Variants in SMARCA1 observed in about 807,000 individuals in gnomAD.
The protein encoded by SMARCA1 is SNF2 related chromatin remodeling ATPase 1.
SMARCA1 carries 17 observed loss-of-function variants against 93.6 expected under a neutral mutation model. The observed-to-expected ratio is 0.18, with a 90% CI of 0.12 to 0.27. The LOEUF (loss-of-function observed/expected upper bound fraction) is 0.27. Among genes scored for constraint, SMARCA1 ranks in the 10% least tolerant of loss-of-function variants. The pLI is 1.00. For missense variants in SMARCA1, 630 were observed against 819.0 expected, an observed-to-expected ratio of 0.77 and a Z score of 2.82; for synonymous variants, 271 against 271.4, an observed-to-expected ratio of 1.00 and a Z score of 0.01.
At chrX:129,498,946 T>C (rs1187389515) in intron 10 of SMARCA1, among the ~76,000 whole-genome samples, 1 of 112,079 alleles carries the variant, frequency 8.9e-6, no homozygotes, top group African/African-American at 3.2e-5. Context: ...TATCTAACCA[T>C]TCCAGATTCT....
intron 23 of SMARCA1, among the ~76,000 whole-genome samples, chrX:129,458,815 T>A (rs1262933104): frequency 8.9e-6 from 1 of 112,317 alleles, no homozygotes; most frequent in Admixed American, 9.5e-5. Context: ...TGCCTCTGAA[T>A]TTGTAGGTAA....
At chrX:129,472,537 CCTAA>C (rs1281523952) in intron 19 of SMARCA1, among the ~76,000 whole-genome samples, 2 of 111,273 alleles carry the variant, frequency 1.8e-5, no homozygotes, top group African/African-American at 6.5e-5. Context: ...AGGTATAAAA[CCTAA>C]CTGAGCATTA....
At chrX:129,509,700 G>C (rs185466560) in intron 6 of SMARCA1, among the ~76,000 whole-genome samples, 1 of 111,780 alleles carries the variant, frequency 8.9e-6, no homozygotes, top group East Asian at 2.8e-4. Context: ...TCATTTTAGA[G>C]GTGAAAAAAT....
At chrX:129,472,020 A>G (rs1274675141) in intron 19 of SMARCA1, among the ~76,000 whole-genome samples, 2 of 111,905 alleles carry the variant, frequency 1.8e-5, no homozygotes, top group African/African-American at 6.5e-5. Context: ...AGAGAACTTG[A>G]GTTCAAAAGA....
rs1173627243 is a variant in SMARCA1 at position 129,496,857 on chromosome X, T to C, written c.1519A>G (p.Ile507Val). ...AGCAAGCGAGTCATCTGGCTGAAAA[T>C]GAGAACCCTTGAACCTAAAACATTT... The part of the protein sequence containing the change: ...KLKEQGSRVL[I>V]FSQMTRLLDI... Residue 507 changes from isoleucine (I) to valine (V), a missense_variant, in exon 12 of 25, where the codon ATT becomes GTT. By Grantham distance (29) the Ile-to-Val change is conservative. Transcript: ENST00000371121. The C allele has an allele frequency of 8.3e-7, 1 of 1,204,976 alleles. No homozygotes were observed. Among genetic ancestry groups the C allele is most frequent in the South Asian group, 1.8e-5 (1 of 56,055 alleles).
intron 19 of SMARCA1, among the ~76,000 whole-genome samples, chrX:129,473,494 A>C (rs1933235190): frequency 8.9e-6 from 1 of 112,101 alleles, no homozygotes; most frequent in Admixed American, 9.5e-5. Context: ...CTATACAAAG[A>C]CTTTGACAAG....
intron 19 of SMARCA1, among the ~76,000 whole-genome samples, chrX:129,476,380 A>G (rs754786511): frequency 1.2e-4 from 14 of 112,187 alleles, no homozygotes; most frequent in African/African-American, 4.2e-4. Context: ...CTTGTGCTGA[A>G]TATGAGGGAG....
intron 18 of SMARCA1, 39 bp from the exon 19 acceptor site, chrX:129,480,853 AGTACAT>A (rs1458240282): frequency 2.5e-6 from 2 of 806,056 alleles, no homozygotes. Context: ...ACTTCTTTTC[AGTACAT>A]GAAGTAAACT....
intron 15 of SMARCA1, 42 bp downstream of exon 15, chrX:129,490,018 G>GT: frequency 1.8e-5 from 19 of 1,034,808 alleles, no homozygotes; most frequent in Non-Finnish European, 2.5e-5. Flanking sequence ...AACTACATGT[G>GT]TTTTACAAAA....
intron 23 of SMARCA1, among the ~76,000 whole-genome samples, chrX:129,455,029 T>C (rs764160735): frequency 2.7e-5 from 3 of 111,557 alleles, no homozygotes; most frequent in South Asian, 3.8e-4. Context: ...AGTTCAACCA[T>C]TGTGGAAGAC....
intron 1 of SMARCA1, among the ~76,000 whole-genome samples, chrX:129,520,290 T>G (rs1329550753): frequency 9.1e-6 from 1 of 110,235 alleles, no homozygotes; most frequent in Non-Finnish European, 1.9e-5. Flanking sequence ...CAGCACAAGG[T>G]CAACAAAATG....
intron 12 of SMARCA1, among the ~76,000 whole-genome samples, chrX:129,495,400 G>T (rs1490935521): frequency 8.9e-6 from 1 of 112,212 alleles, no homozygotes; most frequent in African/African-American, 3.2e-5. Flanking sequence ...CTGTCACACA[G>T]TTTGAAGTGC....
At chrX:129,467,422 T>C (rs1319549868) in intron 21 of SMARCA1, among the ~76,000 whole-genome samples, 1 of 111,675 alleles carries the variant, frequency 9.0e-6, no homozygotes, top group African/African-American at 3.3e-5. Context: ...GCACATACCC[T>C]TTTACATTCT....
At chrX:129,483,397 C>T (rs1933767248) in intron 17 of SMARCA1, among the ~76,000 whole-genome samples, 1 of 78,166 alleles carries the variant, frequency 1.3e-5, no homozygotes, top group Non-Finnish European at 2.1e-5. Context: ...CCTTCTAACT[C>T]TAAGAGCCTG....
chrX:129,511,921 A>T lies in SMARCA1; in HGVS notation c.693T>A (p.Ile231=). The T allele has an allele frequency of 2.5e-6, 3 of 1,208,079 alleles. No individual in the cohort carries two copies. Among genetic ancestry groups the T allele is most frequent in the Non-Finnish European group, 3.4e-6 (3 of 892,951 alleles). The change falls in exon 6 of 25, where the codon ATT becomes ATA. Residue 231 remains isoleucine, a synonymous_variant. Coordinates refer to ENST00000371121, the MANE Select transcript of SMARCA1 (RefSeq NM_001282874.2). ...GAACTAAAACCATGTGAGGTCCAGG[A>T]ATATTTCGGTAGTGTTTCAGGTAAC... is the stretch of plus-strand genomic sequence containing the variant. The part of the protein sequence containing the change: ...LLGYLKHYRN[I]PGPHMVLVPK...
chrX:129,485,878 G>A (rs1933867439), intron 17 of SMARCA1, among the ~76,000 whole-genome samples: 1 of 111,524 alleles, frequency 9.0e-6, no homozygotes, highest in Non-Finnish European at 1.9e-5. Flanking sequence ...AGTGAAAGCA[G>A]GCTGAGGCCC....
At chrX:129,512,614 T>G (rs1025003989) in intron 5 of SMARCA1, among the ~76,000 whole-genome samples, 1 of 111,958 alleles carries the variant, frequency 8.9e-6, no homozygotes, top group Admixed American at 9.5e-5. Context: ...GAAAGGGAAC[T>G]AAGTCCTTTT....
intron 16 of SMARCA1, 55 bp downstream of exon 16, chrX:129,488,882 A>C (rs761643953): frequency 5.3e-6 from 4 of 753,869 alleles, no homozygotes; most frequent in Non-Finnish European, 8.0e-6. Context: ...AGTATGCTGA[A>C]GTATGTTGAT....
intron 19 of SMARCA1, among the ~76,000 whole-genome samples, chrX:129,473,907 T>C (rs774475249): frequency 2.2e-4 from 25 of 111,473 alleles, no homozygotes; most frequent in South Asian, 3.8e-4. Flanking sequence ...TGAAAAAACA[T>C]TGAATGGTAC....
Sources: gnomAD v4.1 joint callset for allele counts (sites outside exome capture counted in the v4.1 genomes callset) on GRCh38, gnomAD v4.1.1 for gene constraint, MANE v1.5 for transcripts, NCBI Gene and HGNC (gene_info 2026-07-23, HGNC 2026-07-21) for gene names.